ANO3: variants seen among roughly 807,000 people sequenced by gnomAD.
The protein encoded by ANO3 is anoctamin 3.
Under a neutral mutation model 144.8 loss-of-function variants are expected in ANO3, and 99 were observed. That is an observed-to-expected ratio of 0.68 (90% CI 0.58 to 0.81). ANO3 has a LOEUF of 0.81. Ranked by LOEUF, ANO3 falls within the 30% of genes least tolerant of loss-of-function variation. ANO3 has a pLI of 0.00. For synonymous variants in ANO3, 414 were observed against 392.6 expected (o/e 1.05, Z -0.64); for missense variants, 905 against 1,202.2 (o/e 0.75, Z 3.66).
At chr11:26,596,224 C>T (rs1851624411) in intron 14 of ANO3, among the ~76,000 whole-genome samples, 1 of 152,086 alleles carries the variant, frequency 6.6e-6, no homozygotes, top group African/African-American at 2.4e-5. Flanking sequence ...CTGTTTGACT[C>T]ATCTTTTGTC....
At chr11:26,517,172 T>A (rs1189917735) in intron 6 of ANO3, among the ~76,000 whole-genome samples, 1 of 151,966 alleles carries the variant, frequency 6.6e-6, no homozygotes, top group Non-Finnish European at 1.5e-5. Context: ...AAACAGTTAT[T>A]TTCAATTTTA....
At position 26,264,642 on chromosome 11, in the gene ANO3, C is replaced by G. The variant is rs111254482; in HGVS notation, c.155-45003C>G. Among the ~76,000 whole-genome samples, 775 of 152,116 alleles carry G rather than the reference C, an allele frequency of 5.1e-3. 3 individuals carry two copies. The highest frequency in any genetic ancestry group is 0.01 in the Middle Eastern group (3 of 294). On this transcript the variant is annotated intron_variant, in intron 1 of 27. Transcript: ENST00000672621. ...GCTTAAATAAGAGAAATTTATTTTC[C>G]CTCAGTCCTGGAGACTAGAAGTTCA... is the stretch of plus-strand genomic sequence containing the variant.
At chr11:26,200,892 A>T (rs919341839) in intron 1 of ANO3, among the ~76,000 whole-genome samples, 11 of 152,170 alleles carry the variant, frequency 7.2e-5, no homozygotes, top group African/African-American at 2.7e-4. Flanking sequence ...TTTACCTCTG[A>T]ACCTTCCTTG....
At chr11:26,501,629 G>C (rs992356758) in intron 4 of ANO3, among the ~76,000 whole-genome samples, 4 of 152,176 alleles carry the variant, frequency 2.6e-5, no homozygotes, top group Non-Finnish European at 5.9e-5. Context: ...ATGAAGACTT[G>C]CAGGACACCA....
intron 4 of ANO3, among the ~76,000 whole-genome samples, chr11:26,497,020 A>G (rs1389798595): frequency 4.5e-5 from 2 of 44,018 alleles, no homozygotes; most frequent in African/African-American, 1.0e-4. Context: ...ACACACATAT[A>G]TACAGACACA....
chr11:26,237,691 G>GTA (rs1217819229), intron 1 of ANO3, among the ~76,000 whole-genome samples: 1 of 151,968 alleles, frequency 6.6e-6, no homozygotes, highest in African/African-American at 2.4e-5. Context: ...CTCTTTCAGG[G>GTA]TAGGTAAAAA....
intron 1 of ANO3, among the ~76,000 whole-genome samples, chr11:26,438,778 CAAA>C (rs59906437): frequency 8.3e-5 from 9 of 108,864 alleles, no homozygotes; most frequent in Admixed American, 1.0e-4. Context: ...AACTCTGTCT[CAAA>C]AAAAAAAAAA....
chr11:26,208,512 C>CAAAAAAAAAAA (rs67196052), intron 1 of ANO3, among the ~76,000 whole-genome samples: 5 of 121,750 alleles, frequency 4.1e-5, no homozygotes, highest in African/African-American at 6.9e-5. Flanking sequence ...GACTCCGTCT[C>CAAAAAAAAAAA]AAAAAAAAAA....
At chr11:26,336,477 C>T (rs1257274608) in intron 1 of ANO3, among the ~76,000 whole-genome samples, 1 of 152,206 alleles carries the variant, frequency 6.6e-6, no homozygotes, top group Non-Finnish European at 1.5e-5. Flanking sequence ...ATGTTTTACA[C>T]TTATATGGAG....
At chr11:26,298,820 G>C (rs553645278) in intron 1 of ANO3, among the ~76,000 whole-genome samples, 1 of 152,250 alleles carries the variant, frequency 6.6e-6, no homozygotes, top group South Asian at 2.1e-4. Flanking sequence ...TTGTGAGATA[G>C]AAGAGTCAAG....
intron 14 of ANO3, chr11:26,565,170 TG>T (rs1565109677): frequency 1.4e-5 from 21 of 1,499,994 alleles, no homozygotes; most frequent in Non-Finnish European, 1.8e-5. Flanking sequence ...TTTACCTTTT[TG>T]GGGATCTGAC....
chr11:26,612,463 G>A (rs757011657), intron 17 of ANO3, among the ~76,000 whole-genome samples: 11 of 148,498 alleles, frequency 7.4e-5, no homozygotes, highest in Non-Finnish European at 7.4e-5. Context: ...CCTAAGCCAC[G>A]AATTCTGGCT....
intron 19 of ANO3, among the ~76,000 whole-genome samples, chr11:26,634,810 C>A (rs1020592313): frequency 3.3e-5 from 5 of 152,144 alleles, no homozygotes; most frequent in Admixed American, 6.5e-5. Flanking sequence ...TTTGTCTGTA[C>A]TTTCTTGACC....
At chr11:26,270,905 G>A (rs145676089) in intron 1 of ANO3, among the ~76,000 whole-genome samples, 2 of 152,138 alleles carry the variant, frequency 1.3e-5, no homozygotes, top group African/African-American at 4.8e-5. Flanking sequence ...TCAGCTGGAG[G>A]ATAAAAGAAA....
rs764403633 is a variant in ANO3, at chr11:26,369,124, A to T, written c.46+36803A>T. The stretch of plus-strand genomic sequence containing the variant: ...CTCTAAAGCAATAGAAATATTTTCC[A>T]GCCATGTAAGTCTGTGTGGGTATGT... On this transcript the variant is annotated intron_variant, in intron 1 of 26. Coordinates refer to ENST00000256737, the MANE Select transcript of ANO3 (RefSeq NM_031418.4). Among the ~76,000 whole-genome samples, 6 of 152,074 alleles carry T rather than the reference A, an allele frequency of 3.9e-5. No individual in the cohort carries two copies. The East Asian group carries it at 1.2e-3, about 29-fold the overall frequency.
chr11:26,335,525 A>G (rs896918472), intron 1 of ANO3, among the ~76,000 whole-genome samples: 8 of 152,098 alleles, frequency 5.3e-5, no homozygotes, highest in African/African-American at 1.7e-4. Context: ...AACTCTCCTC[A>G]ATTCATATGT....
At chr11:26,645,299 TC>T (rs1407012979) in intron 23 of ANO3, among the ~76,000 whole-genome samples, 1 of 152,042 alleles carries the variant, frequency 6.6e-6, no homozygotes, top group African/African-American at 2.4e-5. Context: ...TTATTTTGTT[TC>T]TATTATTTTA....
chr11:26,443,876 C>T (rs2134026394), intron 3 of ANO3, 40 bp downstream of exon 3: 2 of 1,357,330 alleles, frequency 1.5e-6, no homozygotes. Flanking sequence ...CTTTCCCTCT[C>T]TCCAAAGGTA....
intron 14 of ANO3, among the ~76,000 whole-genome samples, chr11:26,574,097 T>G (rs1850925758): frequency 6.6e-6 from 1 of 152,190 alleles, no homozygotes; most frequent in Non-Finnish European, 1.5e-5. Context: ...GATGACACAC[T>G]GTGCAGTGCT....
Sources: gnomAD v4.1 joint callset for allele counts (sites outside exome capture counted in the v4.1 genomes callset) on GRCh38, gnomAD v4.1.1 for gene constraint, MANE v1.5 for transcripts, NCBI Gene and HGNC (gene_info 2026-07-23, HGNC 2026-07-21) for gene names.